CNTNAP5: variants seen among roughly 807,000 people sequenced by gnomAD.
CNTNAP5 encodes contactin-associated protein-like 5.
Under a neutral mutation model 150.2 loss-of-function variants are expected in CNTNAP5, and 72 were observed. The observed-to-expected ratio is 0.48, with a 90% CI of 0.40 to 0.58. The LOEUF is 0.58. Among genes scored for constraint, CNTNAP5 ranks in the 20% least tolerant of loss-of-function variants. The pLI is 0.00. For missense variants in CNTNAP5, 1,636 were observed against 1,626.2 expected (o/e 1.01, Z -0.10); for synonymous variants, 672 against 619.8 (o/e 1.08, Z -1.25).
chr2:124,041,453 TG>T (rs35052286), intron 1 of CNTNAP5, among the ~76,000 whole-genome samples: 17,062 of 152,164 alleles, frequency 0.11, 1,031 homozygotes, highest in South Asian at 0.22. Flanking sequence ...CCAAAGACAT[TG>T]GGTGGTTTCT....
At chr2:124,774,783 A>G (rs1283945727) in intron 17 of CNTNAP5, among the ~76,000 whole-genome samples, 3 of 152,188 alleles carry the variant, frequency 2.0e-5, no homozygotes, top group Admixed American at 2.0e-4. Context: ...AAGACGGAAT[A>G]ATTTTTTACC....
chr2:124,095,450 A>G lies in CNTNAP5; in HGVS notation c.82+69718A>G, dbSNP rs145798846. On this transcript the variant is annotated intron_variant, in intron 1 of 23. Transcript: ENST00000682447. ...TAGGTGCAGCAAACCACCATGGCAG[A>G]TGTATACCTATGTAACAAAGCTGCA... Among the ~76,000 whole-genome samples the G allele has an allele frequency of 1.7e-3, 265 of 152,256 alleles. 1 individual carries two copies. The highest frequency in any genetic ancestry group is 5.2e-3 in the African/African-American group (217 of 41,548).
chr2:124,179,261 G>C (rs1002797261), intron 1 of CNTNAP5, among the ~76,000 whole-genome samples: 4 of 152,084 alleles, frequency 2.6e-5, no homozygotes, highest in Non-Finnish European at 5.9e-5. Context: ...CCAGGTTCAA[G>C]CAATTCTCCT....
At chr2:124,902,098 A>G (rs1376925899) in intron 21 of CNTNAP5, among the ~76,000 whole-genome samples, 1 of 152,202 alleles carries the variant, frequency 6.6e-6, no homozygotes, top group African/African-American at 2.4e-5. Context: ...GCAGTTTTAT[A>G]TAATTGCATC....
At chr2:124,768,271 A>ATGTGTGTG (rs10598326) in intron 16 of CNTNAP5, among the ~76,000 whole-genome samples, 4 of 131,214 alleles carry the variant, frequency 3.0e-5, no homozygotes, top group Non-Finnish European at 7.1e-5. Flanking sequence ...TACTGTATGT[A>ATGTGTGTG]TGTGTGTGTG....
chr2:124,362,252 G>T (rs952161751), intron 3 of CNTNAP5, among the ~76,000 whole-genome samples: 11 of 152,238 alleles, frequency 7.2e-5, no homozygotes, highest in African/African-American at 2.7e-4. Flanking sequence ...ACATGGAAAT[G>T]CAGAAATCAC....
At chr2:124,861,677 A>T (rs1336639361) in intron 19 of CNTNAP5, among the ~76,000 whole-genome samples, 1 of 152,200 alleles carries the variant, frequency 6.6e-6, no homozygotes, top group Non-Finnish European at 1.5e-5. Context: ...GCTAGATTTA[A>T]CTTGAGTGCT....
intron 19 of CNTNAP5, among the ~76,000 whole-genome samples, chr2:124,812,468 C>T (rs1017616591): frequency 7.2e-4 from 109 of 152,042 alleles, no homozygotes; most frequent in African/African-American, 2.5e-3. Flanking sequence ...GGACATACTG[C>T]ATTATACCCT....
intron 19 of CNTNAP5, among the ~76,000 whole-genome samples, chr2:124,810,984 G>A (rs900332955): frequency 5.3e-5 from 8 of 152,082 alleles, no homozygotes; most frequent in East Asian, 1.9e-4. Flanking sequence ...ATCTATAGGC[G>A]TAGAATGAGA....
intron 3 of CNTNAP5, among the ~76,000 whole-genome samples, chr2:124,290,708 G>T (rs572789281): frequency 2.8e-4 from 43 of 152,098 alleles, no homozygotes; most frequent in Middle Eastern, 3.4e-3. Context: ...CACTCAGTAG[G>T]CATTTTGTGA....
chr2:124,774,969 C>A (rs1681289775), intron 17 of CNTNAP5, among the ~76,000 whole-genome samples: 1 of 152,122 alleles, frequency 6.6e-6, no homozygotes, highest in South Asian at 2.1e-4. Flanking sequence ...GTCGATGGGT[C>A]TGGAGGAGAT....
chr2:124,817,965 C>T (rs746758421), intron 19 of CNTNAP5, among the ~76,000 whole-genome samples: 3 of 152,170 alleles, frequency 2.0e-5, no homozygotes, highest in Non-Finnish European at 2.9e-5. Context: ...TTCTAGACAA[C>T]GTTAGCCACC....
intron 8 of CNTNAP5, among the ~76,000 whole-genome samples, chr2:124,517,453 A>T (rs1332204975): frequency 2.1e-5 from 3 of 145,704 alleles, no homozygotes; most frequent in Non-Finnish European, 4.5e-5. Flanking sequence ...TTGGTAATGG[A>T]AGGTTGTGTT....
At chr2:124,797,571 T>A (rs1238881501) in intron 18 of CNTNAP5, among the ~76,000 whole-genome samples, 1 of 152,212 alleles carries the variant, frequency 6.6e-6, no homozygotes, top group African/African-American at 2.4e-5. Flanking sequence ...TTGTTCTTCA[T>A]GATTTACCAA....
intron 3 of CNTNAP5, among the ~76,000 whole-genome samples, chr2:124,320,460 C>T (rs759782320): frequency 5.3e-5 from 8 of 152,198 alleles, no homozygotes; most frequent in Non-Finnish European, 7.3e-5. Context: ...CCTCAGACAT[C>T]TGCAAGGCCC....
intron 22 of CNTNAP5, among the ~76,000 whole-genome samples, chr2:124,910,740 A>T (rs1678637687): frequency 6.6e-6 from 1 of 152,070 alleles, no homozygotes; most frequent in African/African-American, 2.4e-5. Flanking sequence ...TTTTCCAATG[A>T]TCAAATGATA....
chr2:124,306,719 CTTTTTTTTTTTTTT>C lies in CNTNAP5; in HGVS notation c.381+64338_381+64351del, dbSNP rs762901729. Among the ~76,000 whole-genome samples, 342 of 64,380 alleles carry C rather than the reference CTTTTTTTTTTTTTT, an allele frequency of 5.3e-3. 8 individuals carry two copies. Among genetic ancestry groups the C allele is most frequent in the African/African-American group, 0.02 (319 of 16,056 alleles). 42.2% of individuals were successfully genotyped at this position (64,380 alleles called of 152,430 possible). The stretch of plus-strand genomic sequence containing the variant: ...AAACTTGGTTTCTCTCTCTCTCTTT[CTTTTTTTTTTTTTT>C]TTTTTTTTTTTGAGGTGAAGTTTTG... On this transcript the variant is annotated intron_variant, in intron 3 of 23. Transcript: ENST00000682447.
chr2:124,417,314 C>T, intron 3 of CNTNAP5, 129 bp from the exon 4 acceptor site: 1 of 898,220 alleles, frequency 1.1e-6, no homozygotes, highest in Non-Finnish European at 1.7e-6. Context: ...TCACCCAAGT[C>T]ATATTTCAAT....
At position 124,553,503 on chromosome 2, in the gene CNTNAP5, CA is replaced by C. The variant is rs34211914; in HGVS notation, c.1650-9697del. On this transcript the variant is annotated intron_variant, in intron 10 of 23. Coordinates refer to ENST00000682447, the MANE Select transcript of CNTNAP5 (RefSeq NM_001367498.1). ...TTGGTAGCAGACCAAGACTCTGTCT[CA>C]AAAAAAAAAAAAAAAAGTTAGAATG... Among the ~76,000 whole-genome samples the C allele has an allele frequency of 2.8e-3, 335 of 119,500 alleles. 2 individuals are homozygous for C. Among genetic ancestry groups the C allele is most frequent in the East Asian group, 0.019 (71 of 3,748 alleles). The allele number at this position is 119,500 out of a possible 152,430, so 78.4% of individuals were successfully genotyped here. A position where few individuals can be genotyped will look rare whatever the true frequency, so the allele number is the denominator to read the frequency against.
Sources: allele counts gnomAD v4.1 joint callset (sites outside exome capture counted in the v4.1 genomes callset), GRCh38; gene constraint gnomAD v4.1.1; transcripts MANE v1.5; gene names NCBI Gene and HGNC (gene_info 2026-07-23, HGNC 2026-07-21).